NPIPB8: variants seen among roughly 807,000 people sequenced by gnomAD.
NPIPB8 encodes nuclear pore complex-interacting protein family member B8.
NPIPB8 carries 3 observed loss-of-function variants against 5.3 expected under a neutral mutation model. The ratio of observed to expected loss-of-function variants is 0.57; its 90% CI spans 0.26 to 1.47. The LOEUF is 1.47. NPIPB8 is among the 40% of genes most tolerant of loss of function. The pLI, the probability that NPIPB8 is intolerant of heterozygous loss-of-function variation, is 0.13. For missense variants in NPIPB8, 50 were observed against 50.2 expected (o/e 1.00, Z 0.01); for synonymous variants, 18 against 23.0 (o/e 0.78, Z 0.62).
intron 2 of NPIPB8, among the ~76,000 whole-genome samples, chr16:28,640,467 C>T (rs760116404): frequency 2.2e-4 from 33 of 151,988 alleles, no homozygotes; most frequent in Non-Finnish European, 4.1e-4. Context: ...TCTTTTGCCT[C>T]GAGGTGACAC....
At chr16:28,638,046 A>G, upstream of NPIPB8, 1 of 696,868 alleles carries the variant, frequency 1.4e-6, no homozygotes, top group Non-Finnish European at 2.1e-6. Flanking sequence ...ATGATGATAC[A>G]TTTAAATGAC....
chr16:28,640,680 G>T (rs2047880924), intron 2 of NPIPB8, among the ~76,000 whole-genome samples: 1 of 152,134 alleles, frequency 6.6e-6, no homozygotes, highest in Non-Finnish European at 1.5e-5. Flanking sequence ...AGTCACCGCA[G>T]ATTTGCTTTA....
intron 2 of NPIPB8, among the ~76,000 whole-genome samples, chr16:28,641,053 C>G (rs982880086): frequency 6.6e-6 from 1 of 152,030 alleles, no homozygotes; most frequent in Non-Finnish European, 1.5e-5. Context: ...CCCACACTGA[C>G]AGTGCCCCTG....
chr16:28,641,354 G>T (rs1433943743), intron 2 of NPIPB8, among the ~76,000 whole-genome samples: 2 of 149,666 alleles, frequency 1.3e-5, no homozygotes, highest in African/African-American at 4.9e-5. Context: ...TCCTACACCT[G>T]CCACCTCCGA....
intron 2 of NPIPB8, among the ~76,000 whole-genome samples, chr16:28,639,455 A>ATATATTTTT (rs1342219323): frequency 8.3e-6 from 1 of 120,846 alleles, no homozygotes; most frequent in African/African-American, 3.2e-5. Context: ...ATATATATAT[A>ATATATTTTT]TTTTTTTTTT....
chr16:28,639,177 T>C (rs1477074443), intron 2 of NPIPB8, among the ~76,000 whole-genome samples: 1 of 146,596 alleles, frequency 6.8e-6, no homozygotes, highest in Non-Finnish European at 1.5e-5. Context: ...CTATAGTACA[T>C]ATATATGTTC....
At chr16:28,652,950 C>A (rs1315918609) in intron 5 of NPIPB8, among the ~76,000 whole-genome samples, 47 of 131,146 alleles carry the variant, frequency 3.6e-4, no homozygotes, top group Non-Finnish European at 6.6e-4. Context: ...GCTCTGTCGC[C>A]CAGGCTGGAG....
chr16:28,651,071 G>A (rs2048033626), intron 3 of NPIPB8, among the ~76,000 whole-genome samples: 1 of 64,276 alleles, frequency 1.6e-5, no homozygotes, highest in Admixed American at 1.5e-4. Flanking sequence ...TGCAACCTCT[G>A]CCTCCTGGGT....
In NPIPB8 at chr16:28,642,437, A is replaced by C. The variant is rs184044704; in HGVS notation, c.120+3957A>C. ...GGCCGGAACATGGCTGCAGCATATA[A>C]AAAGAATTGAATTCCATAGTTTTGT... On this transcript the variant is annotated intron_variant, in intron 2 of 7. Coordinates refer to ENST00000683297, the MANE Select transcript of NPIPB8 (RefSeq NM_001310136.2). Among the ~76,000 whole-genome samples the C allele has an allele frequency of 8.6e-4, 130 of 150,892 alleles. 1 individual carries two copies. Among genetic ancestry groups the C allele is most frequent in the African/African-American group, 3.0e-3 (122 of 41,012 alleles).
At chr16:28,639,817 T>C (rs910842102) in intron 2 of NPIPB8, among the ~76,000 whole-genome samples, 3 of 150,580 alleles carry the variant, frequency 2.0e-5, no homozygotes, top group Admixed American at 6.6e-5. Flanking sequence ...AGAATATGCA[T>C]AGTTTTACCC....
chr16:28,642,488 G>A (rs1375901300), intron 2 of NPIPB8, among the ~76,000 whole-genome samples: 1 of 150,302 alleles, frequency 6.7e-6, no homozygotes, highest in East Asian at 2.0e-4. Context: ...TTTGTTTGTA[G>A]TTGTTGCTGT....
At chr16:28,638,586 A>T in intron 2 of NPIPB8, 106 bp downstream of exon 2, 1 of 1,410,472 alleles carries the variant, frequency 7.1e-7, no homozygotes, top group Admixed American at 2.3e-5. Context: ...TTACGCAGTC[A>T]CAGTACTGGC....
chr16:28,653,251 T>A (rs1397035691), intron 5 of NPIPB8, among the ~76,000 whole-genome samples: 1 of 81,768 alleles, frequency 1.2e-5, no homozygotes, highest in Non-Finnish European at 2.3e-5. Flanking sequence ...TTTTGTATTC[T>A]TAGTAGAGGC....
chr16:28,651,030 G>C (rs1421902076), intron 3 of NPIPB8, among the ~76,000 whole-genome samples: 4 of 98,166 alleles, frequency 4.1e-5, no homozygotes, highest in African/African-American at 2.6e-4. Context: ...CTGTCACCAG[G>C]CTGGAGTGCA....
chr16:28,642,356 A>T (rs146029693), intron 2 of NPIPB8, among the ~76,000 whole-genome samples: 1 of 152,142 alleles, frequency 6.6e-6, no homozygotes, highest in African/African-American at 2.4e-5. Flanking sequence ...CACCTACCTC[A>T]GCCTCCCAGA....
chr16:28,638,304 T>C lies in NPIPB8; in HGVS notation c.-38-19T>C. ...TTTTCCACTCATTCAACAAACTTTT[T>C]TTCTTAATTGTCTAATAGGTTGGCA... On this transcript the variant is annotated intron_variant, in intron 1 of 7. Transcript: ENST00000683297. 1.3e-6 allele frequency: 2 copies of C among 1,550,896 alleles called. No individual in the cohort carries two copies. Among genetic ancestry groups the C allele is most frequent in the East Asian group, 4.7e-5 (2 of 42,768 alleles).
At chr16:28,649,525 CTT>C (rs1441133615) in intron 3 of NPIPB8, among the ~76,000 whole-genome samples, 16 of 65,232 alleles carry the variant, frequency 2.5e-4, no homozygotes, top group Admixed American at 1.1e-3. Context: ...TTGGAGGAAG[CTT>C]TTTTTTTTTT....
chr16:28,638,351 C>A lies in NPIPB8; in HGVS notation c.-10C>A, dbSNP rs772272416. The stretch of plus-strand genomic sequence containing the variant: ...GGCACTCATCATGAGCCCCTGTTCT[C>A]ATTCTGCAAATGGTGAAGCTCTCTA... On this transcript the variant is annotated 5_prime_UTR_variant, in exon 2 of 8. Coordinates refer to ENST00000683297, the MANE Select transcript of NPIPB8 (RefSeq NM_001310136.2). 3 of 1,566,828 alleles carry A rather than the reference C, an allele frequency of 1.9e-6. No individual in the cohort carries two copies. The South Asian group carries it at 3.4e-5, about 18-fold the overall frequency.
At chr16:28,639,212 C>G (rs1160719802) in intron 2 of NPIPB8, among the ~76,000 whole-genome samples, 1 of 145,898 alleles carries the variant, frequency 6.9e-6, no homozygotes, top group Non-Finnish European at 1.5e-5. Flanking sequence ...AAAGAATTAA[C>G]CACATCACAT....
Sources: gnomAD v4.1 joint callset for allele counts (sites outside exome capture counted in the v4.1 genomes callset) on GRCh38, gnomAD v4.1.1 for gene constraint, MANE v1.5 for transcripts, NCBI Gene and HGNC (gene_info 2026-07-23, HGNC 2026-07-21) for gene names.